The following ROS1 variants were observed in gnomAD, a reference collection of about 807,000 sequenced individuals.
ROS1 encodes the protein proto-oncogene tyrosine-protein kinase ROS.
ROS1 carries 263 observed loss-of-function variants against 273.5 expected under a neutral mutation model. That is an observed-to-expected ratio of 0.96 (90% CI 0.87 to 1.06). ROS1 has a LOEUF of 1.06. Among genes scored for constraint, ROS1 ranks in the 50% least tolerant of loss-of-function variants. The pLI is 0.00. For synonymous variants in ROS1, 1,008 were observed against 954.1 expected, an observed-to-expected ratio of 1.06 and a Z score of -1.04; for missense variants, 2,833 against 2,751.1, an observed-to-expected ratio of 1.03 and a Z score of -0.67.
intron 18 of ROS1, among the ~76,000 whole-genome samples, chr6:117,377,156 G>C (rs1231593223): frequency 2.0e-5 from 3 of 152,116 alleles, no homozygotes; most frequent in African/African-American, 7.2e-5. Context: ...TGTTGCCCAG[G>C]CTGGAGTGCA....
intron 20 of ROS1, 56 bp from the exon 21 acceptor site, chr6:117,365,260 A>G: frequency 6.8e-7 from 1 of 1,473,326 alleles, no homozygotes; most frequent in Non-Finnish European, 9.2e-7. Context: ...AAAATCTTTC[A>G]TTCCTTATTA....
intron 27 of ROS1, among the ~76,000 whole-genome samples, chr6:117,351,511 C>T (rs1041231592): frequency 1.3e-5 from 2 of 152,106 alleles, no homozygotes; most frequent in African/African-American, 4.8e-5. Flanking sequence ...CCTCCTATGA[C>T]AGGATGCCCC....
chr6:117,319,775 A>G, intron 37 of ROS1, 93 bp downstream of exon 37: 1 of 1,171,910 alleles, frequency 8.5e-7, no homozygotes, highest in South Asian at 1.6e-5. Context: ...TCTTTTCAAC[A>G]AAGAGCACTC....
chr6:117,398,548 G>A (rs376260590), intron 7 of ROS1, among the ~76,000 whole-genome samples: 2 of 149,772 alleles, frequency 1.3e-5, no homozygotes, highest in Admixed American at 6.6e-5. Flanking sequence ...GCATGGTGGC[G>A]CATGCCTGTA....
intron 7 of ROS1, among the ~76,000 whole-genome samples, chr6:117,397,544 T>G (rs895888469): frequency 6.6e-6 from 1 of 152,072 alleles, no homozygotes; most frequent in Non-Finnish European, 1.5e-5. Context: ...CTCATTTGAG[T>G]GGGGCAGCCT....
intron 22 of ROS1, 53 bp downstream of exon 22, chr6:117,362,550 T>A: frequency 1.3e-6 from 2 of 1,527,954 alleles, no homozygotes; most frequent in South Asian, 2.5e-5. Context: ...TCTTTCCCTC[T>A]CCCCACAATG....
chr6:117,366,832 T>C (rs2128663735), intron 18 of ROS1, among the ~76,000 whole-genome samples: 1 of 152,286 alleles, frequency 6.6e-6, no homozygotes, highest in Admixed American at 6.5e-5. Context: ...CTTATTAATG[T>C]GATATTGCAA....
At chr6:117,416,159 T>C (rs768199392) in intron 3 of ROS1, 99 bp downstream of exon 3, 3 of 751,996 alleles carry the variant, frequency 4.0e-6, no homozygotes, top group Non-Finnish European at 7.1e-6. Context: ...TCAAGCAAAC[T>C]AGTTGAAAGC....
At chr6:117,361,637 AT>A (rs1289380741) in intron 22 of ROS1, among the ~76,000 whole-genome samples, 1 of 150,534 alleles carries the variant, frequency 6.6e-6, no homozygotes, top group Non-Finnish European at 1.5e-5. Flanking sequence ...AACACTCCTA[AT>A]TTTTACCAAA....
Position 117,359,819 on chromosome 6 carries a change from G to C in ROS1, c.3623C>G (p.Ser1208Cys), listed in dbSNP as rs1249324272. Reference sequence around the variant, plus strand: ...TACATAGTGAAATACCTCAGAGCTAGAGCGATTGTGCAAGTGCAGAAGAAA... The same window carrying C: ...TACATAGTGAAATACCTCAGAGCTACAGCGATTGTGCAAGTGCAGAAGAAA... The part of the protein sequence containing the change: ...SLFLLHLHNR[S>C]SSELFQDSLV... Residue 1208 changes from serine (S) to cysteine (C), a missense_variant, in exon 24 of 44, where the codon TCT (serine) becomes TGT (cysteine). Transcript: ENST00000368507. 5 of 1,613,192 alleles carry C rather than the reference G, an allele frequency of 3.1e-6. No individual in the cohort carries two copies. Among genetic ancestry groups the C allele is most frequent in the East Asian group, 4.5e-5 (2 of 44,876 alleles).
chr6:117,394,383 T>A (rs562248646), intron 10 of ROS1, 37 bp from the exon 11 acceptor site: 1 of 1,448,818 alleles, frequency 6.9e-7, no homozygotes, highest in African/African-American at 1.5e-5. Context: ...CATTATTATA[T>A]AACAACCAGG....
At chr6:117,423,823 C>T (rs1357563611) in intron 1 of ROS1, among the ~76,000 whole-genome samples, 3 of 152,054 alleles carry the variant, frequency 2.0e-5, no homozygotes, top group African/African-American at 7.2e-5. Flanking sequence ...AACTTGAGCA[C>T]TTTGTATATC....
intron 42 of ROS1, among the ~76,000 whole-genome samples, chr6:117,302,344 T>C (rs1372710714): frequency 6.6e-6 from 1 of 152,136 alleles, no homozygotes; most frequent in Non-Finnish European, 1.5e-5. Context: ...GGATATATGT[T>C]GAGTACGAGG....
intron 33 of ROS1, chr6:117,328,653 T>C: frequency 1.8e-6 from 1 of 562,560 alleles, no homozygotes; most frequent in Non-Finnish European, 3.6e-6. Context: ...GATGGTTTCA[T>C]AGTCCTGTGA....
intron 17 of ROS1, among the ~76,000 whole-genome samples, chr6:117,381,730 A>G (rs534780913): frequency 6.6e-6 from 1 of 152,134 alleles, no homozygotes; most frequent in Non-Finnish European, 1.5e-5. Context: ...TCTTTTTGAT[A>G]TAATAACTTC....
At chr6:117,370,401 T>C (rs1267234772) in intron 18 of ROS1, among the ~76,000 whole-genome samples, 9 of 152,158 alleles carry the variant, frequency 5.9e-5, no homozygotes, top group African/African-American at 2.2e-4. Context: ...ATTAACAATG[T>C]GATATTAGGA....
chr6:117,416,460 AG>A (rs1193979589), intron 2 of ROS1, 143 bp from the exon 3 acceptor site: 5 of 638,434 alleles, frequency 7.8e-6, no homozygotes, highest in Non-Finnish European at 1.1e-5. Context: ...GGCCTCCAAA[AG>A]ATCCAGGATT....
At position 117,389,592 on chromosome 6, in the gene ROS1, T is replaced by C; in HGVS notation, c.1544A>G (p.Asn515Ser). ...FADVKSFACE[N>S]NDFLVTDGKV... ...GCCATCTGTGACAAGAAAGTCATTG[T>C]TTTCACAAGCAAAACTTTTCACATC... The change falls in exon 13 of 44, where the codon AAC becomes AGC. Residue 515 changes from asparagine to serine, a missense_variant. Physicochemically the swap from Asn to Ser is conservative, Grantham distance 46. Transcript: ENST00000368507. 1.2e-6 allele frequency: 2 copies of C among 1,614,186 alleles called. No individual in the cohort carries two copies. The highest frequency in any genetic ancestry group is 1.7e-6 in the Non-Finnish European group (2 of 1,180,036).
rs145710756 is a variant in ROS1 at position 117,413,357 on chromosome 6, G to A, written c.255+1162C>T. ...CAGCAATCCTCCTACTTGAACCTCC[G>A]AAGTAGCTGGGATTACAGGTGCACA... On this transcript the variant is annotated intron_variant, in intron 4 of 43. Transcript: ENST00000368507. 2.1e-4 allele frequency among the ~76,000 whole-genome samples: 32 copies of A among 152,178 alleles called. No individual in the cohort carries two copies. The East Asian group carries it at 5.2e-3, about 25-fold the overall frequency.
Sources: gnomAD v4.1 joint callset for allele counts (sites outside exome capture counted in the v4.1 genomes callset) on GRCh38, gnomAD v4.1.1 for gene constraint, MANE v1.5 for transcripts, NCBI Gene and HGNC (gene_info 2026-07-23, HGNC 2026-07-21) for gene names.